Variants in ADAMTSL3 observed in about 807,000 individuals in gnomAD.
ADAMTSL3 encodes the protein ADAMTS like 3.
In ADAMTSL3, 128 loss-of-function variants were observed where a neutral mutation model predicts 201.7. The ratio of observed to expected loss-of-function variants is 0.63; its 90% confidence interval spans 0.55 to 0.73. ADAMTSL3 has a LOEUF of 0.73. Among genes scored for constraint, ADAMTSL3 ranks in the 30% least tolerant of loss-of-function variants. The pLI is 0.00. For synonymous variants in ADAMTSL3, 738 were observed against 748.4 expected, an observed-to-expected ratio of 0.99 and a Z score of 0.23; for missense variants, 1,990 against 2,119.6, an observed-to-expected ratio of 0.94 and a Z score of 1.20.
At chr15:83,660,526 C>A (rs997195030) in intron 2 of ADAMTSL3, among the ~76,000 whole-genome samples, 9 of 152,200 alleles carry the variant, frequency 5.9e-5, no homozygotes, top group Non-Finnish European at 1.0e-4. Flanking sequence ...TTGCCCCATG[C>A]TGGGTGATCT....
intron 3 of ADAMTSL3, among the ~76,000 whole-genome samples, 172 bp from the exon 4 acceptor site, chr15:83,773,351 C>T (rs1048395353): frequency 2.0e-5 from 3 of 151,254 alleles, no homozygotes; most frequent in East Asian, 3.9e-4. Flanking sequence ...GAGGTTGCAG[C>T]GAGCCGAGAT....
In ADAMTSL3 at chr15:83,870,967, G is replaced by T; in HGVS notation, c.960+8G>T. 6.2e-7 allele frequency: 1 copy of T among 1,608,894 alleles called. No individual in the cohort carries two copies. The highest frequency in any genetic ancestry group is 2.2e-5 in the East Asian group (1 of 44,832). ...GCTGATTTCATCTTCAAGGTAGGAT[G>T]ATCCTCTTCATAAACTTCATGTACC... is the stretch of plus-strand genomic sequence containing the variant. On this transcript the variant is annotated splice_region_variant and intron_variant, in intron 9 of 29. Coordinates refer to ENST00000286744, the MANE Select transcript of ADAMTSL3 (RefSeq NM_207517.3).
chr15:83,729,222 T>C (rs1381897371), intron 3 of ADAMTSL3, among the ~76,000 whole-genome samples: 1 of 152,080 alleles, frequency 6.6e-6, no homozygotes, highest in Non-Finnish European at 1.5e-5. Flanking sequence ...TTAAATACTT[T>C]GTGGTAGTCT....
Position 84,025,541 on chromosome 15 carries a change from G to A in ADAMTSL3, c.4656+105G>A, listed in dbSNP as rs557781401. On this transcript the variant is annotated intron_variant, in intron 27 of 29. Transcript: ENST00000286744. Reference sequence around the variant, plus strand: ...AAACTACTTTTGGGGCGGGGGGCAGGAATCTGACTGGTCTCTGAAATGAAT... The same window carrying A: ...AAACTACTTTTGGGGCGGGGGGCAGAAATCTGACTGGTCTCTGAAATGAAT... 11 of 1,043,264 alleles carry A rather than the reference G, an allele frequency of 1.1e-5. No homozygotes were observed. The South Asian group carries it at 1.5e-4, about 14-fold the overall frequency. 64.6% of individuals were successfully genotyped at this position (1,043,264 alleles called of 1,614,324 possible).
chr15:83,673,353 G>C (rs117310104), intron 2 of ADAMTSL3, among the ~76,000 whole-genome samples: 1,693 of 152,304 alleles, frequency 0.011, 21 homozygotes, highest in Non-Finnish European at 0.017. Context: ...ATACATAATT[G>C]TACGACACAG....
chr15:83,797,843 G>A (rs892798680), intron 4 of ADAMTSL3, among the ~76,000 whole-genome samples: 2 of 152,134 alleles, frequency 1.3e-5, no homozygotes, highest in African/African-American at 2.4e-5. Context: ...AGAGAAATGC[G>A]TAAATATGCC....
At chr15:83,878,351 C>T (rs1029776292) in intron 9 of ADAMTSL3, among the ~76,000 whole-genome samples, 1 of 152,130 alleles carries the variant, frequency 6.6e-6, no homozygotes, top group African/African-American at 2.4e-5. Context: ...CGTGGTGGCT[C>T]ACCCCTGTAA....
At chr15:83,859,441 G>C (rs1364828030) in intron 8 of ADAMTSL3, among the ~76,000 whole-genome samples, 1 of 152,170 alleles carries the variant, frequency 6.6e-6, no homozygotes, top group Non-Finnish European at 1.5e-5. Context: ...TCTCTGTGCC[G>C]GTGGATCCAT....
intron 3 of ADAMTSL3, chr15:83,740,162 T>A (rs1414946367): frequency 3.7e-5 from 10 of 267,250 alleles, no homozygotes; most frequent in Non-Finnish European, 7.2e-5. Context: ...GCAAGCTGGC[T>A]GACCAGTGCA....
At chr15:83,670,311 T>G (rs1271977112) in intron 2 of ADAMTSL3, among the ~76,000 whole-genome samples, 1 of 145,186 alleles carries the variant, frequency 6.9e-6, no homozygotes, top group East Asian at 2.0e-4. Context: ...TGTTCATAAA[T>G]TATAGGAAGA....
Position 84,038,806 on chromosome 15 carries a change from G to C in ADAMTSL3, c.*1000G>C, listed in dbSNP as rs868808781. 2.0e-5 allele frequency: 3 copies of C among 152,350 alleles called. No individual in the cohort carries two copies. Among genetic ancestry groups the C allele is most frequent in the Middle Eastern group, 3.4e-3 (1 of 294 alleles). 9.4% of individuals were successfully genotyped at this position (152,350 alleles called of 1,614,324 possible). A position where few individuals can be genotyped will look rare whatever the true frequency, so the allele number is the denominator to read the frequency against. On this transcript the variant is annotated 3_prime_UTR_variant, in exon 30 of 30. Coordinates refer to ENST00000286744, the MANE Select transcript of ADAMTSL3 (RefSeq NM_207517.3). ...GGTTAGAAGTTACACTAAGGACCAG[G>C]GGTTGGAATCAGAATTTAGTTTAAG...
chr15:83,694,630 G>T (rs865920182), intron 2 of ADAMTSL3, among the ~76,000 whole-genome samples: 4 of 152,106 alleles, frequency 2.6e-5, no homozygotes, highest in Middle Eastern at 3.4e-3. Context: ...GTGTATATTG[G>T]CAGGGCAAGG....
chr15:83,759,037 G>A (rs745415463), intron 3 of ADAMTSL3, among the ~76,000 whole-genome samples: 5 of 152,130 alleles, frequency 3.3e-5, no homozygotes, highest in Non-Finnish European at 7.3e-5. Context: ...GGAGAAGGCA[G>A]ACCTTTCCCC....
intron 4 of ADAMTSL3, among the ~76,000 whole-genome samples, chr15:83,800,371 A>T (rs369927551): frequency 6.5e-4 from 99 of 152,262 alleles, no homozygotes; most frequent in African/African-American, 2.2e-3. Flanking sequence ...TTTCAGGCTC[A>T]ACACTCAAGA....
chr15:83,813,530 CTGG>C (rs1040312115), intron 5 of ADAMTSL3, among the ~76,000 whole-genome samples: 3 of 152,170 alleles, frequency 2.0e-5, no homozygotes, highest in Non-Finnish European at 4.4e-5. Context: ...AATTCCACTC[CTGG>C]TGTGCAGGAG....
Position 83,972,910 on chromosome 15 carries a change from G to A in ADAMTSL3, c.2644+2273G>A, listed in dbSNP as rs185763668. Among the ~76,000 whole-genome samples, 1,003 of 152,184 alleles carry A rather than the reference G, an allele frequency of 6.6e-3. 8 individuals carry two copies. Among genetic ancestry groups the A allele is most frequent in the Admixed American group, 0.017 (261 of 15,292 alleles). ...ACCATATGACAGAGCAAGAGATGAGGTTGGCATTCTCTTATCCTCTCTACA... is the reference window on the plus strand; with the variant it reads ...ACCATATGACAGAGCAAGAGATGAGATTGGCATTCTCTTATCCTCTCTACA... On this transcript the variant is annotated intron_variant, in intron 20 of 29. Transcript: ENST00000286744.
intron 7 of ADAMTSL3, among the ~76,000 whole-genome samples, chr15:83,839,095 T>C (rs575186625): frequency 6.6e-6 from 1 of 152,288 alleles, no homozygotes; most frequent in African/African-American, 2.4e-5. Context: ...ACTTTTATGG[T>C]TTTGTTTTTC....
intron 4 of ADAMTSL3, among the ~76,000 whole-genome samples, chr15:83,794,851 A>AATT (rs1005680235): frequency 5.3e-5 from 8 of 151,888 alleles, no homozygotes; most frequent in East Asian, 1.9e-4. Context: ...TGTGATTTAC[A>AATT]ATTATTATTA....
intron 24 of ADAMTSL3, 87 bp downstream of exon 24, chr15:84,014,811 G>T: frequency 1.5e-6 from 2 of 1,293,092 alleles, no homozygotes; most frequent in South Asian, 1.4e-5. Flanking sequence ...GGAGTTGAGT[G>T]AACGAGATGG....
Sources: gnomAD v4.1 joint callset for allele counts (sites outside exome capture counted in the v4.1 genomes callset) on GRCh38, gnomAD v4.1.1 for gene constraint, MANE v1.5 for transcripts, NCBI Gene and HGNC (gene_info 2026-07-23, HGNC 2026-07-21) for gene names.